ZNF521: variants seen among roughly 807,000 people sequenced by gnomAD.
ZNF521 encodes zinc finger protein 521, also known as LYST-interacting protein 3.
In ZNF521, 14 loss-of-function variants were observed where a neutral mutation model predicts 105.5. That is an observed-to-expected ratio of 0.13 (90% CI 0.09 to 0.21). The LOEUF (loss-of-function observed/expected upper bound fraction) is 0.21. Among genes scored for constraint, ZNF521 ranks in the 10% least tolerant of loss-of-function variants. The pLI is 1.00. For synonymous variants in ZNF521, 635 were observed against 606.0 expected (o/e 1.05, Z -0.70); for missense variants, 1,233 against 1,629.7 (o/e 0.76, Z 4.19).
intron 5 of ZNF521, among the ~76,000 whole-genome samples, chr18:25,148,380 G>C (rs2034985135): frequency 6.6e-6 from 1 of 152,018 alleles, no homozygotes. Flanking sequence ...CAAAGTTTTT[G>C]GTCACTATGT....
Position 25,121,272 on chromosome 18 carries a change from CCT to C in ZNF521, c.3659-29193_3659-29192del, listed in dbSNP as rs1600061303. ...CGCGCCCAGCCTTCTTCTTCTTCTT[CCT>C]TTTTTTTTTTTTTTTTGAGACAAAG... On this transcript the variant is annotated intron_variant, in intron 5 of 7. Coordinates refer to ENST00000361524, the MANE Select transcript of ZNF521 (RefSeq NM_015461.3). 2.8e-4 allele frequency among the ~76,000 whole-genome samples: 34 copies of C among 119,716 alleles called. No individual in the cohort carries two copies. In the East Asian group the frequency reaches 3.7e-3, roughly 13 times the overall value. 78.5% of individuals were successfully genotyped at this position (119,716 alleles called of 152,430 possible).
chr18:25,285,700 A>T (rs9957183), intron 3 of ZNF521, among the ~76,000 whole-genome samples: 16,233 of 92,450 alleles, frequency 0.18, 886 homozygotes, highest in African/African-American at 0.28. Flanking sequence ...TCTCTCTCTC[A>T]CACACACACA....
intron 3 of ZNF521, among the ~76,000 whole-genome samples, chr18:25,249,498 G>A (rs1048613709): frequency 6.6e-6 from 1 of 150,418 alleles, no homozygotes; most frequent in Non-Finnish European, 1.5e-5. Context: ...GTCTTGTTCT[G>A]TCACCCAGGT....
intron 4 of ZNF521, chr18:25,201,567 C>T (rs2035993347): frequency 6.6e-6 from 1 of 152,120 alleles, no homozygotes; most frequent in Admixed American, 6.6e-5. Context: ...TCAATCATTG[C>T]TATATGTTTG....
chr18:25,274,591 C>T (rs1043545914), intron 3 of ZNF521, among the ~76,000 whole-genome samples: 1 of 152,066 alleles, frequency 6.6e-6, no homozygotes, highest in African/African-American at 2.4e-5. Context: ...AAAATGGAAA[C>T]AGGGATAGTC....
At chr18:25,331,524 A>T (rs1348810418) in intron 2 of ZNF521, among the ~76,000 whole-genome samples, 3 of 152,320 alleles carry the variant, frequency 2.0e-5, no homozygotes, top group Non-Finnish European at 4.4e-5. Flanking sequence ...AAGTCTATGT[A>T]GTCTTAGTAG....
chr18:25,079,208 GAC>G (rs1267469526), intron 7 of ZNF521, among the ~76,000 whole-genome samples: 3 of 152,232 alleles, frequency 2.0e-5, no homozygotes, highest in Non-Finnish European at 4.4e-5. Flanking sequence ...CAGGCCAATG[GAC>G]AGAGTGGGCA....
At chr18:25,317,577 C>G (rs973265643) in intron 3 of ZNF521, among the ~76,000 whole-genome samples, 1 of 152,158 alleles carries the variant, frequency 6.6e-6, no homozygotes, top group Non-Finnish European at 1.5e-5. Flanking sequence ...CCAGTGGGAA[C>G]GCTGAAGTTC....
chr18:25,351,887 G>C (rs1365590119), intron 1 of ZNF521, 118 bp downstream of exon 1: 1 of 277,444 alleles, frequency 3.6e-6, no homozygotes, highest in Admixed American at 3.8e-5. Context: ...AGCGGCGGCG[G>C]CAGCAGCGGC....
In ZNF521 at chr18:25,062,715, A is replaced by G. The variant is rs1421741135; in HGVS notation, c.3933T>C (p.Ser1311=). 6.7e-7 allele frequency: 1 copy of G among 1,503,038 alleles called. No individual in the cohort carries two copies. Among genetic ancestry groups the G allele is most frequent in the Non-Finnish European group, 8.9e-7 (1 of 1,118,162 alleles). 93.1% of individuals were successfully genotyped at this position (1,503,038 alleles called of 1,614,324 possible). ...TCCTTGAGAGACTGTACTTGCACTA[A>G]CTGCTGTGTTGGGTCATTGTATGAT... ...LQNHTMTQHS[S] Residue 1311 remains serine, a synonymous_variant, in exon 8 of 8, where the codon AGT becomes AGC. Coordinates refer to ENST00000361524, the MANE Select transcript of ZNF521 (RefSeq NM_015461.3).
intron 5 of ZNF521, among the ~76,000 whole-genome samples, chr18:25,145,501 T>C (rs1025856917): frequency 6.6e-6 from 1 of 152,114 alleles, no homozygotes; most frequent in Non-Finnish European, 1.5e-5. Flanking sequence ...AACAAACTTC[T>C]TCCACTTCAT....
At chr18:25,277,182 CAA>C (rs34657167) in intron 3 of ZNF521, among the ~76,000 whole-genome samples, 2 of 82,446 alleles carry the variant, frequency 2.4e-5, no homozygotes, top group Admixed American at 2.7e-4. Flanking sequence ...GACTCCGTCT[CAA>C]AAAAAAAAAA....
chr18:25,097,247 T>C (rs2033871393), intron 5 of ZNF521, among the ~76,000 whole-genome samples: 1 of 152,092 alleles, frequency 6.6e-6, no homozygotes, highest in Middle Eastern at 3.2e-3. Flanking sequence ...GCCATAGCAC[T>C]CAGCCACGAT....
At chr18:25,098,855 G>A (rs2033907082) in intron 5 of ZNF521, among the ~76,000 whole-genome samples, 1 of 152,096 alleles carries the variant, frequency 6.6e-6, no homozygotes, top group South Asian at 2.1e-4. Flanking sequence ...TCTGTTCTCT[G>A]ACTTGAAAGA....
intron 7 of ZNF521, among the ~76,000 whole-genome samples, chr18:25,064,590 G>C (rs1802102103): frequency 6.6e-6 from 1 of 152,194 alleles, no homozygotes; most frequent in South Asian, 2.1e-4. Flanking sequence ...TGTAGGTTAA[G>C]GGAGCCATTG....
intron 3 of ZNF521, among the ~76,000 whole-genome samples, chr18:25,265,179 G>C (rs1430821786): frequency 6.6e-6 from 1 of 152,074 alleles, no homozygotes; most frequent in Admixed American, 6.5e-5. Context: ...CCTCTGTTCT[G>C]AACACTCACA....
At chr18:25,220,780 G>A (rs916342882) in intron 4 of ZNF521, among the ~76,000 whole-genome samples, 1 of 152,182 alleles carries the variant, frequency 6.6e-6, no homozygotes, top group Non-Finnish European at 1.5e-5. Context: ...CTAGAAAAAG[G>A]AGGCAGAAGA....
intron 3 of ZNF521, among the ~76,000 whole-genome samples, chr18:25,287,139 A>G (rs904752538): frequency 1.3e-5 from 2 of 152,166 alleles, no homozygotes; most frequent in Non-Finnish European, 2.9e-5. Context: ...GAGACCAAAC[A>G]TACCAAGCAA....
intron 4 of ZNF521, among the ~76,000 whole-genome samples, chr18:25,196,874 G>GAAAAACAAAGAAC (rs2035910923): frequency 6.6e-6 from 1 of 151,696 alleles, no homozygotes; most frequent in South Asian, 2.1e-4. Context: ...CATTATTCCT[G>GAAAAACAAAGAAC]ATATGTGACC....
Sources: allele counts gnomAD v4.1 joint callset (sites outside exome capture counted in the v4.1 genomes callset), GRCh38; gene constraint gnomAD v4.1.1; transcripts MANE v1.5; gene names NCBI Gene and HGNC (gene_info 2026-07-23, HGNC 2026-07-21).